Variants in PTPRN2 observed in about 807,000 individuals in gnomAD.
PTPRN2 encodes receptor-type tyrosine-protein phosphatase N2.
In PTPRN2, 74 loss-of-function variants were observed where a neutral mutation model predicts 118.8. That is an observed-to-expected ratio of 0.62 (90% CI 0.52 to 0.76). The LOEUF is 0.76. PTPRN2 is among the 30% of genes least tolerant of loss of function. PTPRN2 has a pLI of 0.00. For synonymous variants in PTPRN2, 641 were observed against 608.0 expected (o/e 1.05, Z -0.80); for missense variants, 1,481 against 1,394.4 (o/e 1.06, Z -0.99).
At chr7:157,543,849 T>C (rs1269608690) in intron 22 of PTPRN2, among the ~76,000 whole-genome samples, 1 of 152,114 alleles carries the variant, frequency 6.6e-6, no homozygotes, top group East Asian at 1.9e-4. Context: ...TTCACAAAAG[T>C]AGACAAGCTC....
At chr7:158,150,850 C>T (rs1283760128) in intron 6 of PTPRN2, among the ~76,000 whole-genome samples, 4 of 152,072 alleles carry the variant, frequency 2.6e-5, no homozygotes, top group African/African-American at 7.2e-5. Context: ...CCACTCTGGC[C>T]TCCTTTCTGT....
chr7:158,262,627 T>TCA (rs970406304), intron 3 of PTPRN2, among the ~76,000 whole-genome samples: 2,933 of 118,572 alleles, frequency 0.025, 101 homozygotes, highest in African/African-American at 0.088. Context: ...ACACATACAT[T>TCA]CACACTGCAA....
chr7:158,432,477 C>G (rs914285383), intron 2 of PTPRN2, among the ~76,000 whole-genome samples: 2 of 152,184 alleles, frequency 1.3e-5, no homozygotes, highest in Non-Finnish European at 2.9e-5. Flanking sequence ...AAGCTCTGGC[C>G]CAGGCCCCAC....
At chr7:158,365,850 C>CACACACACACACACACA (rs57276163) in intron 2 of PTPRN2, among the ~76,000 whole-genome samples, 1 of 102,500 alleles carries the variant, frequency 9.8e-6, no homozygotes, top group Non-Finnish European at 1.8e-5. Context: ...ACACACACAC[C>CACACACACACACACACA]CACACACACA....
At chr7:158,071,575 AGGTGCTCCTGGTGGAGGTGCTCCTGG>A in intron 11 of PTPRN2, among the ~76,000 whole-genome samples, 1 of 8,210 alleles carries the variant, frequency 1.2e-4, no homozygotes, top group Admixed American at 1.6e-3. Flanking sequence ...CTCCTGGTGG[AGGTGCTCCTGGTGGAGGTGCTCCTGG>A]TGGAGGTGCT....
intron 12 of PTPRN2, among the ~76,000 whole-genome samples, chr7:157,744,498 T>C (rs1486346575): frequency 6.6e-6 from 1 of 152,226 alleles, no homozygotes; most frequent in Non-Finnish European, 1.5e-5. Flanking sequence ...GTGAGCATGC[T>C]CAGAATTCCA....
chr7:158,361,927 T>C (rs1586460090), intron 2 of PTPRN2, among the ~76,000 whole-genome samples: 2 of 152,212 alleles, frequency 1.3e-5, no homozygotes, highest in East Asian at 1.9e-4. Flanking sequence ...CCGCTGAGCC[T>C]GGACCCTGCC....
chr7:157,955,836 C>T (rs889008657), intron 11 of PTPRN2, among the ~76,000 whole-genome samples: 4 of 152,182 alleles, frequency 2.6e-5, no homozygotes, highest in Non-Finnish European at 2.9e-5. Context: ...GGTCTTCATA[C>T]GTGGAGGTCA....
chr7:158,005,725 C>T (rs10274410), intron 11 of PTPRN2, among the ~76,000 whole-genome samples: 124,600 of 152,154 alleles, frequency 0.82, 51,269 homozygotes, highest in East Asian at 0.89. Context: ...TCGTGGCCCA[C>T]GAGGGGTTCT....
At chr7:158,323,471 G>T (rs545112896) in intron 2 of PTPRN2, among the ~76,000 whole-genome samples, 1 of 152,212 alleles carries the variant, frequency 6.6e-6, no homozygotes, top group Non-Finnish European at 1.5e-5. Context: ...GCAGAGCAGC[G>T]GATGAACAGG....
chr7:157,559,777 T>C (rs1799085910), intron 21 of PTPRN2, among the ~76,000 whole-genome samples: 1 of 152,122 alleles, frequency 6.6e-6, no homozygotes, highest in Non-Finnish European at 1.5e-5. Flanking sequence ...CAGGGACCAG[T>C]GCTTCGGGCA....
intron 11 of PTPRN2, among the ~76,000 whole-genome samples, chr7:157,945,746 TCCAGCTTGGACAATGCC>T (rs1315312526): frequency 6.0e-5 from 7 of 116,242 alleles, no homozygotes; most frequent in East Asian, 4.1e-4. Context: ...CAATGCCACC[TCCAGCTTGGACAATGCC>T]GCCTCCAGCT....
chr7:158,524,729 A>G (rs1824640527), intron 1 of PTPRN2, among the ~76,000 whole-genome samples: 2 of 152,138 alleles, frequency 1.3e-5, no homozygotes, highest in African/African-American at 4.8e-5. Flanking sequence ...TGGAGTGGGG[A>G]TTGGTCCCAG....
At chr7:157,686,100 G>A (rs1202159857) in intron 12 of PTPRN2, among the ~76,000 whole-genome samples, 1 of 152,230 alleles carries the variant, frequency 6.6e-6, no homozygotes, top group African/African-American at 2.4e-5. Flanking sequence ...CTGCAGGGAA[G>A]GGCGGGACGC....
chr7:158,316,779 A>C, intron 3 of PTPRN2, 40 bp downstream of exon 3: 1 of 1,472,866 alleles, frequency 6.8e-7, no homozygotes, highest in Non-Finnish European at 9.2e-7. Flanking sequence ...GCGGTCGCTC[A>C]GTGCGGCAGC....
At chr7:158,039,789 T>C (rs1393002315) in intron 11 of PTPRN2, among the ~76,000 whole-genome samples, 1 of 152,200 alleles carries the variant, frequency 6.6e-6, no homozygotes, top group African/African-American at 2.4e-5. Context: ...GACTCAGATA[T>C]AGCAGAGATA....
intron 11 of PTPRN2, among the ~76,000 whole-genome samples, chr7:158,046,743 C>A (rs970740117): frequency 6.6e-6 from 1 of 152,166 alleles, no homozygotes; most frequent in Admixed American, 6.5e-5. Flanking sequence ...CCTTGGCATG[C>A]TCTTGAGTTT....
chr7:158,059,407 A>G (rs1188122280), intron 11 of PTPRN2, among the ~76,000 whole-genome samples: 1 of 117,902 alleles, frequency 8.5e-6, no homozygotes, highest in Non-Finnish European at 1.6e-5. Context: ...GTGACACATC[A>G]CTGCAGCCAC....
intron 14 of PTPRN2, among the ~76,000 whole-genome samples, chr7:157,642,911 A>G (rs2150699474): frequency 6.6e-6 from 1 of 150,412 alleles, no homozygotes; most frequent in East Asian, 2.0e-4. Context: ...CCGGCAGCCA[A>G]AGGCCAAGCT....
Sources: allele counts gnomAD v4.1 joint callset (sites outside exome capture counted in the v4.1 genomes callset), GRCh38; gene constraint gnomAD v4.1.1; transcripts MANE v1.5; gene names NCBI Gene and HGNC (gene_info 2026-07-23, HGNC 2026-07-21).